FANCD2: variants seen among roughly 807,000 people sequenced by gnomAD.
The protein encoded by FANCD2 is FA complementation group D2.
In FANCD2, 131 loss-of-function variants were observed where a neutral mutation model predicts 192.3. That is an observed-to-expected ratio of 0.68 (90% CI 0.59 to 0.79). The LOEUF (loss-of-function observed/expected upper bound fraction) is 0.79, where lower values mean the gene tolerates loss of function less well. Ranked by LOEUF, FANCD2 falls within the 30% of genes least tolerant of loss-of-function variation. The pLI is 0.00. For synonymous variants in FANCD2, 524 were observed against 612.5 expected (o/e 0.86, Z 2.13); for missense variants, 1,508 against 1,701.6 (o/e 0.89, Z 2.00).
intron 18 of FANCD2, among the ~76,000 whole-genome samples, chr3:10,055,753 A>C (rs2087390474): frequency 6.6e-6 from 1 of 151,986 alleles, no homozygotes; most frequent in South Asian, 2.1e-4. Context: ...CGGAGCTTGC[A>C]GTGAGCCGAG....
At chr3:10,090,251 T>C (rs1363774110) in intron 36 of FANCD2, 41 bp from the exon 37 acceptor site, 1 of 1,427,148 alleles carries the variant, frequency 7.0e-7, no homozygotes, top group Non-Finnish European at 9.9e-7. Flanking sequence ...TTCTAAGCAG[T>C]GCATCATGGT....
At chr3:10,053,083 G>A (rs1487064488) in intron 18 of FANCD2, among the ~76,000 whole-genome samples, 1 of 147,360 alleles carries the variant, frequency 6.8e-6, no homozygotes, top group African/African-American at 2.5e-5. Context: ...GCACACATAT[G>A]TTTATTGCGG....
chr3:10,072,670 C>T lies in FANCD2; in HGVS notation c.2495-201C>T, dbSNP rs62245518. 7.1e-3 allele frequency among the ~76,000 whole-genome samples: 1,081 copies of T among 152,316 alleles called. 4 individuals carry two copies. The highest frequency in any genetic ancestry group is 0.012 in the Non-Finnish European group (839 of 68,026). ...AGTGGTTTTATGATAATTGATCATA[C>T]TTAATATGATATTTCTGTGTTATCT... On this transcript the variant is annotated intron_variant, in intron 26 of 43. Transcript: ENST00000675286.
At chr3:10,070,249 G>A (rs1693130180) in intron 26 of FANCD2, among the ~76,000 whole-genome samples, 1 of 150,092 alleles carries the variant, frequency 6.7e-6, no homozygotes, top group Non-Finnish European at 1.5e-5. Flanking sequence ...TGAGAAGTGA[G>A]GAGTCCCTCC....
intron 10 of FANCD2, among the ~76,000 whole-genome samples, chr3:10,042,252 T>C (rs1459766826): frequency 6.6e-6 from 1 of 152,148 alleles, no homozygotes; most frequent in African/African-American, 2.4e-5. Flanking sequence ...GTTGTCTGAG[T>C]CATACCTGCT....
intron 43 of FANCD2, 90 bp from the exon 44 acceptor site, chr3:10,101,098 G>A (rs1426772365): frequency 2.1e-6 from 2 of 958,104 alleles, no homozygotes; most frequent in East Asian, 2.5e-5. Context: ...AGTGATAATA[G>A]TACAGTTGTG....
rs780867042 is a variant in FANCD2 at position 10,088,437 on chromosome 3, C to G, written c.3467-12C>G. ...CCCATATGTAAGATTCCTTTGTCTT[C>G]TTTTCTAACAGCTTCCCTTGCCAGA... is the stretch of plus-strand genomic sequence containing the variant. On this transcript the variant is annotated splice_polypyrimidine_tract_variant and intron_variant, in intron 34 of 43. Coordinates refer to ENST00000675286, the MANE Select transcript of FANCD2 (RefSeq NM_001018115.3). The G allele has an allele frequency of 1.9e-6, 3 of 1,574,704 alleles. No homozygotes were observed. Among genetic ancestry groups the G allele is most frequent in the Admixed American group, 3.3e-5 (2 of 59,940 alleles).
rs1480951110 is a variant in FANCD2, at chr3:10,026,462, G to C, written c.-45G>C. 3 of 463,244 alleles carry C rather than the reference G, an allele frequency of 6.5e-6. No homozygotes were observed. The highest frequency in any genetic ancestry group is 8.6e-6 in the Non-Finnish European group (3 of 348,702). The allele number at this position is 463,244 out of a possible 1,614,324, so 28.7% of individuals were successfully genotyped here. On this transcript the variant is annotated 5_prime_UTR_variant, in exon 1 of 44. Transcript: ENST00000675286. The stretch of plus-strand genomic sequence containing the variant: ...GGGAAAGTCGAAAACTACGGGCGGC[G>C]ACGGCTTCTCGGTGAGTAAGTGGAG...
At position 10,077,062 on chromosome 3, in the gene FANCD2, T is replaced by C. The variant is rs560453253; in HGVS notation, c.2860-1019T>C. ...TGGGTAACACAGTGAGACCTGTCTC[T>C]ACAAAAAGTTAAAAAAAAAAAGTAG... On this transcript the variant is annotated intron_variant, in intron 29 of 43. Transcript: ENST00000675286. Among the ~76,000 whole-genome samples the C allele has an allele frequency of 3.0e-4, 46 of 151,358 alleles. 1 individual carries two copies. The highest frequency in any genetic ancestry group is 2.7e-3 in the Admixed American group (41 of 15,190).
chr3:10,032,940 T>G lies in FANCD2; in HGVS notation c.173T>G (p.Ile58Ser), dbSNP rs1302919588. ...FVKLLKISGI[I>S]LKTGESQNQL... ...AAGCTTCTTAAGATATCAGGAATTATTCTTAAAACGGGAGAGAGTCAGAAT... is the reference window on the plus strand; with the variant it reads ...AAGCTTCTTAAGATATCAGGAATTAGTCTTAAAACGGGAGAGAGTCAGAAT... The change falls in exon 3 of 44, where the codon ATT becomes AGT. Residue 58 changes from isoleucine (I) to serine (S), a missense_variant. Transcript: ENST00000675286. 1 of 1,591,352 alleles carries G rather than the reference T, an allele frequency of 6.3e-7. No individual in the cohort carries two copies. The highest frequency in any genetic ancestry group is 1.3e-5 in the African/African-American group (1 of 74,578).
At chr3:10,087,707 G>A (rs1191809456) in intron 34 of FANCD2, among the ~76,000 whole-genome samples, 2 of 151,970 alleles carry the variant, frequency 1.3e-5, no homozygotes, top group Admixed American at 1.3e-4. Context: ...GAGTGCAGTG[G>A]TGCGATGTTG....
rs1042604186 is a variant in FANCD2 at position 10,036,381 on chromosome 3, A to T, written c.491+42A>T. ...TGGAATGTTCAAAGTACCCTGATGT[A>T]CTTAAGTTCTCTCTGAAAAGGTTAC... On this transcript the variant is annotated intron_variant, in intron 7 of 43. Transcript: ENST00000675286. 2.8e-6 allele frequency: 4 copies of T among 1,415,766 alleles called. No individual in the cohort carries two copies. The African/African-American group carries it at 5.7e-5, about 20-fold the overall frequency. The allele number at this position is 1,415,766 out of a possible 1,614,324, so 87.7% of individuals were successfully genotyped here.
At chr3:10,059,101 C>A (rs944344852) in intron 18 of FANCD2, among the ~76,000 whole-genome samples, 7 of 152,146 alleles carry the variant, frequency 4.6e-5, no homozygotes, top group African/African-American at 1.4e-4. Context: ...GTGTTCTTGA[C>A]TTCCCAGGCT....
chr3:10,091,622 T>C (rs561037559), intron 37 of FANCD2, among the ~76,000 whole-genome samples: 26 of 152,030 alleles, frequency 1.7e-4, no homozygotes, highest in Non-Finnish European at 2.9e-4. Flanking sequence ...TCATGCCAGT[T>C]AGCAGGAGGC....
At position 10,063,778 on chromosome 3, in the gene FANCD2, C is replaced by G; in HGVS notation, c.1828-14C>G. On this transcript the variant is annotated splice_polypyrimidine_tract_variant and intron_variant, in intron 20 of 43. Transcript: ENST00000675286. ...GCAGCCCAAGGTTTAAACCATTCTT[C>G]CTCTTTGCTCCAGGTGACCTCCTTG... The G allele has an allele frequency of 6.2e-7, 1 of 1,614,176 alleles. No individual in the cohort carries two copies. Among genetic ancestry groups the G allele is most frequent in the Non-Finnish European group, 8.5e-7 (1 of 1,180,026 alleles).
At chr3:10,066,473 A>G (rs981845129) in intron 25 of FANCD2, among the ~76,000 whole-genome samples, 1 of 152,212 alleles carries the variant, frequency 6.6e-6, no homozygotes, top group Non-Finnish European at 1.5e-5. Flanking sequence ...CAGGATAGCT[A>G]TTGTCCTCAT....
At chr3:10,062,001 G>A (rs1244597980) in intron 19 of FANCD2, 150 bp from the exon 20 acceptor site, 13 of 537,070 alleles carry the variant, frequency 2.4e-5, no homozygotes, top group Non-Finnish European at 4.1e-5. Flanking sequence ...GATAGCATTA[G>A]GAGATATACT....
chr3:10,064,456 G>C, intron 22 of FANCD2, 27 bp downstream of exon 22: 1 of 1,599,136 alleles, frequency 6.3e-7, no homozygotes, highest in South Asian at 1.1e-5. Flanking sequence ...TGCTGGCTTG[G>C]TTGCACTGGT....
At chr3:10,041,834 A>T in intron 10 of FANCD2, 124 bp downstream of exon 10, 14 of 656,634 alleles carry the variant, frequency 2.1e-5, no homozygotes, top group Non-Finnish European at 3.6e-5. Flanking sequence ...ATCACATTTG[A>T]TATCTCTCTT....
Sources: allele counts gnomAD v4.1 joint callset (sites outside exome capture counted in the v4.1 genomes callset), GRCh38; gene constraint gnomAD v4.1.1; transcripts MANE v1.5; gene names NCBI Gene and HGNC (gene_info 2026-07-23, HGNC 2026-07-21).